The following FASTK variants were observed in gnomAD, a reference collection of about 807,000 sequenced individuals.
FASTK encodes the protein Fas activated serine/threonine kinase.
FASTK carries 28 observed loss-of-function variants against 60.0 expected under a neutral mutation model. That is an observed-to-expected ratio of 0.47 (90% CI 0.35 to 0.64). The LOEUF is 0.64. Among genes scored for constraint, FASTK ranks in the 30% least tolerant of loss-of-function variants. FASTK has a pLI of 0.01. For missense variants in FASTK, 595 were observed against 713.8 expected (o/e 0.83, Z 1.90); for synonymous variants, 325 against 307.9 (o/e 1.06, Z -0.58).
Position 151,078,822 on chromosome 7 carries a change from A to G in FASTK, c.685+20T>C. ...TGTCAGCCCTCCCCACCCCCATCTG[A>G]TTTTAACCCCCTCCAGCACCTGCCA... On this transcript the variant is annotated intron_variant, in intron 3 of 9. Coordinates refer to ENST00000297532, the MANE Select transcript of FASTK (RefSeq NM_006712.5). The G allele has an allele frequency of 6.2e-7, 1 of 1,606,722 alleles. No homozygotes were observed. The highest frequency in any genetic ancestry group is 1.1e-5 in the South Asian group (1 of 90,400).
chr7:151,079,467 C>A lies in FASTK; in HGVS notation c.505+33G>T, dbSNP rs1010345976. 7.1e-6 allele frequency: 11 copies of A among 1,540,938 alleles called. No individual in the cohort carries two copies. In the Admixed American group the frequency reaches 1.2e-4, roughly 16 times the overall value. On this transcript the variant is annotated intron_variant, in intron 2 of 9. Coordinates refer to ENST00000297532, the MANE Select transcript of FASTK (RefSeq NM_006712.5). Reference sequence around the variant, plus strand: ...CTCCCTATTCTTCATTAACACCTAGCCCCCCAGGCGCCCACCTCAAGCCCC... The same window carrying A: ...CTCCCTATTCTTCATTAACACCTAGACCCCCAGGCGCCCACCTCAAGCCCC...
Position 151,079,707 on chromosome 7 carries a change from G to C in FASTK, c.298C>G (p.Arg100Gly). The change falls in exon 2 of 10, where the codon CGC (arginine) becomes GGC (glycine). Residue 100 changes from arginine to glycine, a missense_variant. Physicochemically the swap from Arg to Gly is moderately radical, Grantham distance 125 (BLOSUM62 -2). Coordinates refer to ENST00000297532, the MANE Select transcript of FASTK (RefSeq NM_006712.5). Reference sequence around the variant, plus strand: ...TTGCTGGGGTTCTGGCCCAGCCAGCGCAGCAGCTCCCCAGGGCTCTTCGCC... The same window carrying C: ...TTGCTGGGGTTCTGGCCCAGCCAGCCCAGCAGCTCCCCAGGGCTCTTCGCC... ...EQAKSPGELL[R>G]WLGQNPSKVR... is the part of the protein sequence containing the mutation. 2 of 1,602,842 alleles carry C rather than the reference G, an allele frequency of 1.2e-6. No homozygotes were observed. Among genetic ancestry groups the C allele is most frequent in the Non-Finnish European group, 1.7e-6 (2 of 1,175,286 alleles).
Position 151,077,169 on chromosome 7 carries a change from T to C in FASTK, c.1359A>G (p.Pro453=). 2 of 1,613,318 alleles carry C rather than the reference T, an allele frequency of 1.2e-6. No homozygotes were observed. Among genetic ancestry groups the C allele is most frequent in the Non-Finnish European group, 1.7e-6 (2 of 1,179,738 alleles). The change falls in exon 8 of 10, where the codon CCA becomes CCG. Residue 453 remains proline, a synonymous_variant. Coordinates refer to ENST00000297532, the MANE Select transcript of FASTK (RefSeq NM_006712.5). ...LPVRTQDPFL[P]YPPRSCPQGQ... is the part of the protein sequence containing the mutation. ...CCTGTGGGCAGGACCTTGGTGGGTA[T>C]GGCAGGAAGGGGTCCTGGGTCCTCA...
chr7:151,078,493 C>T (rs975736841), intron 4 of FASTK, 69 bp downstream of exon 4: 18 of 1,552,400 alleles, frequency 1.2e-5, no homozygotes, highest in East Asian at 4.5e-5. Flanking sequence ...CCGAGCTGCA[C>T]GAGGCGCTGG....
Position 151,076,698 on chromosome 7 carries a change from G to C in FASTK, c.*27C>G. 1 of 1,434,800 alleles carries C rather than the reference G, an allele frequency of 7.0e-7. No homozygotes were observed. The highest frequency in any genetic ancestry group is 2.4e-5 in the East Asian group (1 of 42,210). 88.9% of individuals were successfully genotyped at this position (1,434,800 alleles called of 1,614,324 possible). A position where few individuals can be genotyped will look rare whatever the true frequency, so the allele number is the denominator to read the frequency against. On this transcript the variant is annotated 3_prime_UTR_variant, in exon 10 of 10. Transcript: ENST00000297532. ...GCAAATCATCCACCCCCCATGGGGG[G>C]GCCATCCTGAACCCCACATCAACCC...
rs1343741470 is a variant in FASTK, at chr7:151,079,602, C to G, written c.403G>C (p.Glu135Gln). ...CTCAAGTCCTGCAGTGTGACCTGCT[C>G]CACAGGAGGGGGCCGTGGCCGAGAC... is the stretch of plus-strand genomic sequence containing the variant. ...LGSRPRPPPV[E>Q]QVTLQDLSQL... is the part of the protein sequence containing the mutation. The change falls in exon 2 of 10, where the codon GAG (glutamate) becomes CAG (glutamine). Residue 135 changes from glutamate to glutamine, a missense_variant. By Grantham distance (29) the Glu-to-Gln change is conservative. This residue lies in a region of FASTK where 471 missense variants were observed against 605.9 expected (regional missense o/e 0.78). Transcript: ENST00000297532. The G allele has an allele frequency of 1.2e-5, 19 of 1,613,924 alleles. No homozygotes were observed. The highest frequency in any genetic ancestry group is 1.5e-5 in the Non-Finnish European group (18 of 1,180,004).
Position 151,080,807 on chromosome 7 carries a change from G to A in FASTK, c.-41C>T, listed in dbSNP as rs764321216. The A allele has an allele frequency of 2.6e-4, 303 of 1,179,812 alleles. No individual in the cohort carries two copies. The highest frequency in any genetic ancestry group is 3.1e-4 in the Non-Finnish European group (286 of 930,450). The allele number at this position is 1,179,812 out of a possible 1,614,324, so 73.1% of individuals were successfully genotyped here. A position where few individuals can be genotyped will look rare whatever the true frequency, so the allele number is the denominator to read the frequency against. ...TCCGCCATCTTCCCAGCAGCCCCTA[G>A]ATAGCCGCCCGGACGCCAATCCCGA... On this transcript the variant is annotated 5_prime_UTR_variant, in exon 1 of 10. Coordinates refer to ENST00000297532, the MANE Select transcript of FASTK (RefSeq NM_006712.5).
rs1797944758 is a variant in FASTK at position 151,080,735 on chromosome 7, C to T, written c.32G>A (p.Arg11Gln). 5 of 1,318,322 alleles carry T rather than the reference C, an allele frequency of 3.8e-6. No homozygotes were observed. The African/African-American group carries it at 4.6e-5, about 12-fold the overall frequency. The allele number at this position is 1,318,322 out of a possible 1,614,324, so 81.7% of individuals were successfully genotyped here. A position where few individuals can be genotyped will look rare whatever the true frequency, so the allele number is the denominator to read the frequency against. The change falls in exon 1 of 10, where the codon CGG becomes CAG. Residue 11 changes from arginine (R) to glutamine (Q), a missense_variant. Coordinates refer to ENST00000297532, the MANE Select transcript of FASTK (RefSeq NM_006712.5). ...CGCTCCCTCAGTCGGTCTCGGGGCC[C>T]GGGGGCCGGGTTCCCCCCGCGGCCT... is the stretch of plus-strand genomic sequence containing the variant. MRRPRGEPGP[R>Q]APRPTEGATC...
Position 151,080,762 on chromosome 7 carries a change from C to T in FASTK, c.5G>A (p.Arg2Lys). Residue 2 changes from arginine (R) to lysine (K), a missense_variant, in exon 1 of 10, where the codon AGG (arginine) becomes AAG (lysine). This residue lies in a region of FASTK where 124 missense variants were observed against 107.9 expected (regional missense o/e 1.15). Transcript: ENST00000297532. The stretch of plus-strand genomic sequence containing the variant: ...GGGGCCGGGTTCCCCCCGCGGCCTC[C>T]TCATCGGCTAGCCACCGAGTCCGCC... M[R>K]RPRGEPGPRA... 7.7e-7 allele frequency: 1 copy of T among 1,294,448 alleles called. No homozygotes were observed. The highest frequency in any genetic ancestry group is 2.3e-5 in the South Asian group (1 of 43,386). 80.2% of individuals were successfully genotyped at this position (1,294,448 alleles called of 1,614,324 possible). A position where few individuals can be genotyped will look rare whatever the true frequency, so the allele number is the denominator to read the frequency against.
chr7:151,079,291 A>G (rs1797846919), intron 2 of FASTK: 14 of 607,938 alleles, frequency 2.3e-5, no homozygotes, highest in South Asian at 2.3e-4. Flanking sequence ...AGGGCACTCT[A>G]TTAGCAGGAA....
At position 151,077,383 on chromosome 7, in the gene FASTK, A is replaced by G. The variant is rs747757607; in HGVS notation, c.1218T>C (p.Ala406=). 1 of 1,612,590 alleles carries G rather than the reference A, an allele frequency of 6.2e-7. No individual in the cohort carries two copies. The highest frequency in any genetic ancestry group is 1.1e-5 in the South Asian group (1 of 91,084). The change falls in exon 7 of 10, where the codon GCT becomes GCC. Residue 406 remains alanine (A), a synonymous_variant. Transcript: ENST00000297532. ...RCKYSHKDIV[A]EGLRQLLGEE... ...CCCCCAGCAGCTGGCGCAACCCCTCAGCTACTATGTCCTTGTGACTGAGGA... is the reference window on the plus strand; with the variant it reads ...CCCCCAGCAGCTGGCGCAACCCCTCGGCTACTATGTCCTTGTGACTGAGGA...
intron 1 of FASTK, 22 bp from the exon 2 acceptor site, chr7:151,079,944 G>A (rs1408083899): frequency 4.5e-6 from 7 of 1,549,012 alleles, no homozygotes; most frequent in Admixed American, 3.8e-5. Context: ...CCCAAAAAAG[G>A]GGGTGAGGTT....
At position 151,079,608 on chromosome 7, in the gene FASTK, G is replaced by A. The variant is rs1320784771; in HGVS notation, c.397C>T (p.Pro133Ser). Residue 133 changes from proline to serine, a missense_variant, in exon 2 of 10, where the codon CCT becomes TCT. This residue lies in a region of FASTK where 471 missense variants were observed against 605.9 expected (regional missense o/e 0.78). Transcript: ENST00000297532. ...TCCTGCAGTGTGACCTGCTCCACAGGAGGGGGCCGTGGCCGAGACCCCAAG... is the reference window on the plus strand; with the variant it reads ...TCCTGCAGTGTGACCTGCTCCACAGAAGGGGGCCGTGGCCGAGACCCCAAG... ...QLLGSRPRPPPVEQVTLQDLS... is the reference protein window; with the variant it reads ...QLLGSRPRPPSVEQVTLQDLS... The A allele has an allele frequency of 6.2e-7, 1 of 1,613,802 alleles. No individual in the cohort carries two copies. Among genetic ancestry groups the A allele is most frequent in the Non-Finnish European group, 8.5e-7 (1 of 1,180,030 alleles).
In FASTK at chr7:151,076,702, A is replaced by G. The variant is rs1285734865; in HGVS notation, c.*23T>C. The G allele has an allele frequency of 2.7e-6, 4 of 1,482,288 alleles. No homozygotes were observed. Among genetic ancestry groups the G allele is most frequent in the Non-Finnish European group, 3.6e-6 (4 of 1,096,960 alleles). The allele number at this position is 1,482,288 out of a possible 1,614,324, so 91.8% of individuals were successfully genotyped here. A position where few individuals can be genotyped will look rare whatever the true frequency, so the allele number is the denominator to read the frequency against. ...ATCATCCACCCCCCATGGGGGGGCC[A>G]TCCTGAACCCCACATCAACCCCTCA... On this transcript the variant is annotated 3_prime_UTR_variant, in exon 10 of 10. Coordinates refer to ENST00000297532, the MANE Select transcript of FASTK (RefSeq NM_006712.5).
rs1257952232 is a variant in FASTK, at chr7:151,078,665, A to G, written c.722T>C (p.Val241Ala). 6.2e-7 allele frequency: 1 copy of G among 1,613,200 alleles called. No homozygotes were observed. Among genetic ancestry groups the G allele is most frequent in the East Asian group, 2.2e-5 (1 of 44,878 alleles). The change falls in exon 4 of 10, where the codon GTG becomes GCG. Residue 241 changes from valine to alanine, a missense_variant. This residue lies in a region of FASTK where 471 missense variants were observed against 605.9 expected (regional missense o/e 0.78). Transcript: ENST00000297532. The stretch of plus-strand genomic sequence containing the variant: ...CCGGGCCAGGTGCTGGGCCAGGAGC[A>G]CCATCACGTGGGGAGTCAGTTCCTC... ...RPEELTPHVM[V>A]LLAQHLARHR...
In FASTK at chr7:151,078,870, T is replaced by C; in HGVS notation, c.657A>G (p.Pro219=). ...CCAGGCTGCTGATCAGATGCTGCCG[T>C]GGATACCGCAGAAAACGGGGGCAGC... The part of the protein sequence containing the change: ...ALSCPRFLRY[P]RQHLISSLAE... Residue 219 remains proline, a synonymous_variant, in exon 3 of 10, where the codon CCA becomes CCG. Coordinates refer to ENST00000297532, the MANE Select transcript of FASTK (RefSeq NM_006712.5). The C allele has an allele frequency of 2.5e-6, 4 of 1,605,936 alleles. No homozygotes were observed. The highest frequency in any genetic ancestry group is 4.5e-5 in the East Asian group (2 of 44,752).
At chr7:151,077,592 C>T (rs1797736384) in intron 6 of FASTK, 29 bp downstream of exon 6, 1 of 1,531,246 alleles carries the variant, frequency 6.5e-7, no homozygotes, top group South Asian at 1.3e-5. Context: ...AGGCTGGCCC[C>T]TCCCCTTGCC....
At chr7:151,078,724 C>T in intron 3 of FASTK, 23 bp from the exon 4 acceptor site, 2 of 1,612,314 alleles carry the variant, frequency 1.2e-6, no homozygotes, top group Non-Finnish European at 1.7e-6. Context: ...GCCTGTCACG[C>T]TGGGCCTCAG....
chr7:151,079,099 T>G, intron 2 of FASTK, 78 bp from the exon 3 acceptor site: 1 of 1,249,630 alleles, frequency 8.0e-7, no homozygotes, highest in South Asian at 1.8e-5. Context: ...TGGTGAATTC[T>G]CCACCTTTCT....
Sources: allele counts gnomAD v4.1 joint callset, GRCh38; gene constraint gnomAD v4.1.1; regional missense constraint gnomAD v4.1.1; transcripts MANE v1.5; gene names NCBI Gene and HGNC (gene_info 2026-07-23, HGNC 2026-07-21).